The following CCBE1 variants were observed in gnomAD, a reference collection of about 807,000 sequenced individuals.
The protein encoded by CCBE1 is collagen and calcium-binding EGF domain-containing protein 1.
A neutral mutation model predicts 50.0 loss-of-function variants in CCBE1; 37 were observed. The observed-to-expected ratio is 0.74, with a 90% CI of 0.57 to 0.97. CCBE1 has a LOEUF of 0.97. Among genes scored for constraint, CCBE1 ranks in the 50% least tolerant of loss-of-function variants. CCBE1 has a pLI of 0.00. For missense variants in CCBE1, 538 were observed against 523.8 expected (o/e 1.03, Z -0.26); for synonymous variants, 234 against 203.7 (o/e 1.15, Z -1.27).
chr18:59,472,518 A>G (rs77973946), intron 3 of CCBE1, among the ~76,000 whole-genome samples: 1 of 152,208 alleles, frequency 6.6e-6, no homozygotes, highest in African/African-American at 2.4e-5. Flanking sequence ...ATTAATCTCA[A>G]CTTGCTCTAA....
intron 2 of CCBE1, among the ~76,000 whole-genome samples, chr18:59,482,920 A>T (rs554786851): frequency 1.5e-5 from 2 of 137,872 alleles, no homozygotes; most frequent in South Asian, 4.9e-4. Context: ...ACTATTAAAG[A>T]CATAAGATTC....
chr18:59,675,667 C>T (rs2054491381), intron 2 of CCBE1, among the ~76,000 whole-genome samples: 1 of 152,190 alleles, frequency 6.6e-6, no homozygotes, highest in Admixed American at 6.5e-5. Context: ...ATGAGGAAAA[C>T]ATGCATCAGA....
intron 2 of CCBE1, among the ~76,000 whole-genome samples, chr18:59,562,911 CTCT>C (rs1264941435): frequency 9.2e-5 from 14 of 152,094 alleles, no homozygotes; most frequent in African/African-American, 3.1e-4. Context: ...TGTTTCAGTT[CTCT>C]TGTTTGTTTC....
chr18:59,504,791 T>C (rs912743616), intron 2 of CCBE1, among the ~76,000 whole-genome samples: 1 of 152,166 alleles, frequency 6.6e-6, no homozygotes, highest in African/African-American at 2.4e-5. Flanking sequence ...ATTGATTTCC[T>C]CCTCCTCTTT....
At chr18:59,517,760 G>A (rs922626556) in intron 2 of CCBE1, among the ~76,000 whole-genome samples, 9 of 152,196 alleles carry the variant, frequency 5.9e-5, no homozygotes, top group African/African-American at 1.9e-4. Context: ...TTTCTCCACT[G>A]GCCATTAGCA....
At chr18:59,564,374 C>T (rs567053601) in intron 2 of CCBE1, among the ~76,000 whole-genome samples, 139 of 152,122 alleles carry the variant, frequency 9.1e-4, no homozygotes, top group African/African-American at 3.2e-3. Context: ...TATATATATA[C>T]ACACACACAT....
intron 6 of CCBE1, among the ~76,000 whole-genome samples, chr18:59,451,613 C>A (rs1910937213): frequency 6.6e-6 from 1 of 152,052 alleles, no homozygotes; most frequent in South Asian, 2.1e-4. Flanking sequence ...GAGGTGGAGG[C>A]ACTGAGGTCT....
intron 2 of CCBE1, among the ~76,000 whole-genome samples, chr18:59,522,765 G>A (rs957506074): frequency 7.9e-5 from 12 of 151,948 alleles, no homozygotes; most frequent in South Asian, 4.2e-4. Flanking sequence ...CGAGGCGGGC[G>A]TATCATGAGG....
intron 10 of CCBE1, among the ~76,000 whole-genome samples, chr18:59,436,801 T>C (rs149165337): frequency 6.6e-6 from 1 of 152,142 alleles, no homozygotes; most frequent in African/African-American, 2.4e-5. Context: ...AAACCCTGTC[T>C]CTACAAAAAT....
chr18:59,568,265 A>G (rs2052859374), intron 2 of CCBE1: 1 of 151,912 alleles, frequency 6.6e-6, no homozygotes, highest in Non-Finnish European at 1.5e-5. Flanking sequence ...AAGATAACCC[A>G]CAATCCCTGA....
chr18:59,510,628 G>C (rs1914090880), intron 2 of CCBE1, among the ~76,000 whole-genome samples: 2 of 152,020 alleles, frequency 1.3e-5, no homozygotes, highest in Admixed American at 6.6e-5. Context: ...CACCATGTTG[G>C]CCAGGCTGGT....
At chr18:59,534,915 G>T (rs1915189255) in intron 2 of CCBE1, among the ~76,000 whole-genome samples, 1 of 152,156 alleles carries the variant, frequency 6.6e-6, no homozygotes, top group South Asian at 2.1e-4. Flanking sequence ...AGGCTTAGAA[G>T]AAAAAACAGA....
chr18:59,695,637 A>T (rs1420280140), intron 2 of CCBE1, among the ~76,000 whole-genome samples: 1 of 152,164 alleles, frequency 6.6e-6, no homozygotes, highest in Non-Finnish European at 1.5e-5. Flanking sequence ...CCTGCAAGAA[A>T]CGCTATGATT....
At chr18:59,653,223 G>C (rs550242039) in intron 2 of CCBE1, among the ~76,000 whole-genome samples, 2 of 152,288 alleles carry the variant, frequency 1.3e-5, no homozygotes, top group South Asian at 4.1e-4. Context: ...CTATCCCAGA[G>C]AGCTGGCAAA....
chr18:59,623,463 G>T (rs76306439), intron 2 of CCBE1, among the ~76,000 whole-genome samples: 1 of 152,068 alleles, frequency 6.6e-6, no homozygotes, highest in Non-Finnish European at 1.5e-5. Context: ...GCTTCTTTTC[G>T]AACCCACCCA....
At chr18:59,582,927 C>G (rs761668118) in intron 2 of CCBE1, among the ~76,000 whole-genome samples, 1 of 152,160 alleles carries the variant, frequency 6.6e-6, no homozygotes, top group African/African-American at 2.4e-5. Context: ...ATCCTTCCAC[C>G]TCTGCCTCCT....
chr18:59,666,732 C>T (rs577027688), intron 2 of CCBE1, among the ~76,000 whole-genome samples: 11 of 152,104 alleles, frequency 7.2e-5, no homozygotes, highest in African/African-American at 2.2e-4. Context: ...GTTGGGAGGC[C>T]GAGGTGGATG....
chr18:59,677,484 G>A (rs1489757809), intron 2 of CCBE1, among the ~76,000 whole-genome samples: 1 of 152,108 alleles, frequency 6.6e-6, no homozygotes, highest in East Asian at 1.9e-4. Context: ...GTGAATTGCT[G>A]AGGCTCAAAA....
chr18:59,475,071 T>C (rs1912242160), intron 3 of CCBE1, among the ~76,000 whole-genome samples: 1 of 152,214 alleles, frequency 6.6e-6, no homozygotes, highest in African/African-American at 2.4e-5. Context: ...ATTTATTCAG[T>C]CCTCCATTTT....
Sources: allele counts gnomAD v4.1 joint callset (sites outside exome capture counted in the v4.1 genomes callset), GRCh38; gene constraint gnomAD v4.1.1; transcripts MANE v1.5; gene names NCBI Gene and HGNC (gene_info 2026-07-23, HGNC 2026-07-21).